The following ATXN1 variants were observed in gnomAD, a reference collection of about 807,000 sequenced individuals.
The protein encoded by ATXN1 is ataxin-1.
Under a neutral mutation model 56.4 loss-of-function variants are expected in ATXN1, and 8 were observed. The observed-to-expected ratio is 0.14, with a 90% confidence interval of 0.08 to 0.26. The LOEUF is 0.26. Ranked by LOEUF, ATXN1 falls within the 10% of genes least tolerant of loss-of-function variation. The pLI, the probability that ATXN1 is intolerant of heterozygous loss-of-function variation, is 1.00. For missense variants in ATXN1, 987 were observed against 1,106.5 expected (o/e 0.89, Z 1.53); for synonymous variants, 514 against 494.6 (o/e 1.04, Z -0.52).
intron 3 of ATXN1, among the ~76,000 whole-genome samples, chr6:16,638,663 C>T (rs1331848461): frequency 6.6e-6 from 1 of 152,074 alleles, no homozygotes; most frequent in East Asian, 1.9e-4. Flanking sequence ...CCTTCAATGC[C>T]AAGTATATGG....
At chr6:16,500,949 A>C (rs1760874247) in intron 5 of ATXN1, among the ~76,000 whole-genome samples, 1 of 152,238 alleles carries the variant, frequency 6.6e-6, no homozygotes, top group Non-Finnish European at 1.5e-5. Flanking sequence ...CTGCCAATGC[A>C]TGGGGCACAT....
intron 2 of ATXN1, among the ~76,000 whole-genome samples, chr6:16,668,379 G>A (rs1243413578): frequency 1.5e-5 from 2 of 135,138 alleles, no homozygotes; most frequent in African/African-American, 5.7e-5. Flanking sequence ...AGTGTGTGAT[G>A]TTCCCCTTCC....
At chr6:16,401,567 G>A (rs986805169) in intron 6 of ATXN1, among the ~76,000 whole-genome samples, 1 of 152,182 alleles carries the variant, frequency 6.6e-6, no homozygotes, top group African/African-American at 2.4e-5. Context: ...AGATGAAATG[G>A]TCTAAGGTTA....
chr6:16,535,884 C>T (rs942568274), intron 4 of ATXN1, among the ~76,000 whole-genome samples: 11 of 152,272 alleles, frequency 7.2e-5, no homozygotes, highest in Admixed American at 2.0e-4. Flanking sequence ...TTAAGGAGTA[C>T]AGACTAATCA....
intron 4 of ATXN1, among the ~76,000 whole-genome samples, chr6:16,585,158 G>A (rs897739873): frequency 1.3e-5 from 2 of 151,974 alleles, no homozygotes; most frequent in Non-Finnish European, 2.9e-5. Context: ...GAGGTGGGAG[G>A]ATCACTTGAG....
At chr6:16,426,922 C>T (rs1759169794) in intron 6 of ATXN1, among the ~76,000 whole-genome samples, 1 of 151,466 alleles carries the variant, frequency 6.6e-6, no homozygotes, top group South Asian at 2.1e-4. Flanking sequence ...ATTAAAGTGG[C>T]CAGAAAATAA....
intron 4 of ATXN1, among the ~76,000 whole-genome samples, chr6:16,584,269 CACAT>C (rs1170315859): frequency 7.0e-6 from 1 of 142,286 alleles, no homozygotes; most frequent in Non-Finnish European, 1.6e-5. Flanking sequence ...CACACACACA[CACAT>C]ATACACATAT....
At chr6:16,710,435 G>A (rs1188442740) in intron 2 of ATXN1, among the ~76,000 whole-genome samples, 1 of 151,926 alleles carries the variant, frequency 6.6e-6, no homozygotes, top group Non-Finnish European at 1.5e-5. Context: ...TGGGGGGTAG[G>A]GGGATTTATA....
chr6:16,497,606 T>C (rs1760804615), intron 5 of ATXN1, among the ~76,000 whole-genome samples: 3 of 152,236 alleles, frequency 2.0e-5, no homozygotes, highest in Admixed American at 2.0e-4. Flanking sequence ...GGAAACGCCG[T>C]GCAAGTTCCT....
chr6:16,694,678 G>GA (rs1332946899), intron 2 of ATXN1, among the ~76,000 whole-genome samples: 2 of 152,202 alleles, frequency 1.3e-5, no homozygotes, highest in African/African-American at 4.8e-5. Flanking sequence ...AGCTGAGAGA[G>GA]AAACAAGTGG....
chr6:16,360,076 T>TA (rs1289142603), intron 6 of ATXN1, among the ~76,000 whole-genome samples: 1 of 150,298 alleles, frequency 6.7e-6, no homozygotes. Context: ...ACGTAAAAAA[T>TA]AAAAATAAAA....
At chr6:16,572,886 C>G (rs141265668) in intron 4 of ATXN1, among the ~76,000 whole-genome samples, 14 of 152,306 alleles carry the variant, frequency 9.2e-5, no homozygotes, top group Non-Finnish European at 1.9e-4. Context: ...CATCCTCTAT[C>G]TTGGCAGAGT....
rs1759279050 is a variant in ATXN1, at chr6:16,431,283, C to T, written c.-161+54689G>A. On this transcript the variant is annotated intron_variant, in intron 6 of 7. Coordinates refer to ENST00000436367, the MANE Select transcript of ATXN1 (RefSeq NM_001128164.2). The stretch of plus-strand genomic sequence containing the variant: ...AATATACATCTCTTTTATTGCAATA[C>T]CACCAATTGAGAGAACATTCTGCTG... Among the ~76,000 whole-genome samples, 4 of 152,102 alleles carry T rather than the reference C, an allele frequency of 2.6e-5. No individual in the cohort carries two copies. The South Asian group carries it at 6.2e-4, about 24-fold the overall frequency.
chr6:16,583,236 C>T (rs141931702), intron 4 of ATXN1, among the ~76,000 whole-genome samples: 6 of 152,284 alleles, frequency 3.9e-5, no homozygotes, highest in East Asian at 3.9e-4. Context: ...AGGGCCAAAA[C>T]GAATGCAGCG....
chr6:16,640,739 G>A (rs954043058), intron 3 of ATXN1, among the ~76,000 whole-genome samples: 5 of 151,558 alleles, frequency 3.3e-5, no homozygotes, highest in Non-Finnish European at 5.9e-5. Flanking sequence ...CCCTAAAATA[G>A]CCGCTAAGCA....
intron 6 of ATXN1, among the ~76,000 whole-genome samples, chr6:16,414,973 T>C (rs539319658): frequency 1.3e-5 from 2 of 152,340 alleles, no homozygotes; most frequent in Admixed American, 1.3e-4. Context: ...TCACTTATAA[T>C]TAGCTGAGTA....
At chr6:16,393,999 C>A (rs1272268090) in intron 6 of ATXN1, among the ~76,000 whole-genome samples, 1 of 151,236 alleles carries the variant, frequency 6.6e-6, no homozygotes, top group Non-Finnish European at 1.5e-5. Flanking sequence ...TGGTCTAAGA[C>A]ACTTCTTTAA....
At chr6:16,510,684 G>C (rs1379954252) in intron 5 of ATXN1, among the ~76,000 whole-genome samples, 1 of 152,172 alleles carries the variant, frequency 6.6e-6, no homozygotes, top group African/African-American at 2.4e-5. Flanking sequence ...GCTGCAATGA[G>C]CTGTGAGTGC....
chr6:16,382,834 A>T (rs1163158569), intron 6 of ATXN1, among the ~76,000 whole-genome samples: 1 of 151,810 alleles, frequency 6.6e-6, no homozygotes, highest in African/African-American at 2.4e-5. Context: ...GAGCTAAAAA[A>T]AAAATAAATA....
Sources: allele counts gnomAD v4.1 joint callset (sites outside exome capture counted in the v4.1 genomes callset), GRCh38; gene constraint gnomAD v4.1.1; transcripts MANE v1.5; gene names NCBI Gene and HGNC (gene_info 2026-07-23, HGNC 2026-07-21).